Variants in C10orf105 observed in about 807,000 individuals in gnomAD.
The protein encoded by C10orf105 is chromosome 10 open reading frame 105.
In C10orf105, 2 loss-of-function variants were observed where a neutral mutation model predicts 0.6. That is an observed-to-expected ratio of 3.18 (90% confidence interval 1.30 to 10.01). The LOEUF (loss-of-function observed/expected upper bound fraction) is 10.01. Among genes scored for constraint, C10orf105 ranks in the 30% most tolerant of loss-of-function variants. The pLI is 0.04. For missense variants in C10orf105, 209 were observed against 191.4 expected (o/e 1.09, Z -0.54); for synonymous variants, 95 against 82.4 (o/e 1.15, Z -0.83).
chr10:71,716,235 G>A lies in C10orf105; in HGVS notation c.103C>T (p.Pro35Ser). The change falls in exon 2 of 2, where the codon CCC becomes TCC. Residue 35 changes from proline (P) to serine (S), a missense_variant. By Grantham distance (74) the Pro-to-Ser change is moderately conservative. Transcript: ENST00000441508. ...GCCAGGGCGATGAGCATGGGGAGGG[G>A]GTCAGTTGCCTCTGCAAGGGTCCCG... Reference protein sequence around the residue: ...TPGTLAEATDPLPMLIALACI... With the variant: ...TPGTLAEATDSLPMLIALACI... 1 of 1,550,346 alleles carries A rather than the reference G, an allele frequency of 6.5e-7. No individual in the cohort carries two copies.
In C10orf105 at chr10:71,725,443, C is replaced by A; in HGVS notation, c.-5-9101G>T. On this transcript the variant is annotated intron_variant, in intron 1 of 1. Coordinates refer to the C10orf105 transcript ENST00000398786. ...GATGCGAGGGCCCCGGCCCCTGGAC[C>A]GGGAGCGGAACTCATCCCACGTGCT... 1 of 1,614,056 alleles carries A rather than the reference C, an allele frequency of 6.2e-7. No homozygotes were observed. Among genetic ancestry groups the A allele is most frequent in the Non-Finnish European group, 8.5e-7 (1 of 1,179,900 alleles).
At position 71,712,629 on chromosome 10, in the gene C10orf105, C is replaced by T; in HGVS notation, c.*3307G>A. ...ACAGGAAGTGTGCCCCTCTCTCAGG[C>T]AGCTGCTAACACCTGTCTTCCTTCA... On this transcript the variant is annotated 3_prime_UTR_variant, in exon 2 of 2. Coordinates refer to ENST00000441508, the MANE Select transcript of C10orf105 (RefSeq NM_001164375.3). 1.2e-6 allele frequency: 2 copies of T among 1,608,616 alleles called. No individual in the cohort carries two copies. Among genetic ancestry groups the T allele is most frequent in the East Asian group, 4.5e-5 (2 of 44,752 alleles).
Position 71,714,317 on chromosome 10 carries a change from C to T in C10orf105, c.*1619G>A, listed in dbSNP as rs772201465. The T allele has an allele frequency of 1.3e-5, 2 of 152,086 alleles. No homozygotes were observed. The highest frequency in any genetic ancestry group is 2.4e-5 in the African/African-American group (1 of 41,388). 9.4% of individuals were successfully genotyped at this position (152,086 alleles called of 1,614,324 possible). On this transcript the variant is annotated 3_prime_UTR_variant, in exon 2 of 2. Transcript: ENST00000441508. Reference sequence around the variant, plus strand: ...GTGGGGACACACCCAGGCTGGGCCACGCTTCACTCTGTACACAGAAGCCTC... The same window carrying T: ...GTGGGGACACACCCAGGCTGGGCCATGCTTCACTCTGTACACAGAAGCCTC...
At chr10:71,717,796 T>C (rs117569830) in intron 1 of C10orf105, 2 of 152,310 alleles carry the variant, frequency 1.3e-5, no homozygotes, top group Non-Finnish European at 2.9e-5. Flanking sequence ...AAGGCAAACA[T>C]TCTAGACGTT....
chr10:71,718,639 G>T (rs1370160771), intron 1 of C10orf105, among the ~76,000 whole-genome samples: 1 of 152,222 alleles, frequency 6.6e-6, no homozygotes, highest in Admixed American at 6.5e-5. Flanking sequence ...AGTAAGAAAA[G>T]GGCAGTCTGA....
chr10:71,733,999 G>A (rs1467402414), intron 1 of C10orf105, among the ~76,000 whole-genome samples: 5 of 152,240 alleles, frequency 3.3e-5, no homozygotes, highest in African/African-American at 7.2e-5. Flanking sequence ...AACTACAACA[G>A]AGGGGTAGTG....
rs74147045 is a variant in C10orf105, at chr10:71,728,468, G to A, written c.-6+9260C>T. Among the ~76,000 whole-genome samples, 157 of 152,150 alleles carry A rather than the reference G, an allele frequency of 1.0e-3. 1 individual carries two copies. Among genetic ancestry groups the A allele is most frequent in the African/African-American group, 3.7e-3 (153 of 41,486 alleles). ...CTCCACTGGTCAGGCTGCTGTTTTCGGCTTCTACCAGCCAGAAGCTCTGTC... is the reference window on the plus strand; with the variant it reads ...CTCCACTGGTCAGGCTGCTGTTTTCAGCTTCTACCAGCCAGAAGCTCTGTC... On this transcript the variant is annotated intron_variant, in intron 1 of 1. Coordinates refer to the C10orf105 transcript ENST00000398786.
chr10:71,729,639 G>T (rs1470276365), intron 1 of C10orf105, among the ~76,000 whole-genome samples: 1 of 152,152 alleles, frequency 6.6e-6, no homozygotes, highest in Admixed American at 6.5e-5. Context: ...CCGTGAGAAG[G>T]TGCACAAGTA....
upstream of C10orf105, chr10:71,724,208 C>T (rs182261366): frequency 3.6e-4 from 461 of 1,269,130 alleles, 2 homozygotes; most frequent in African/African-American, 5.4e-3. Context: ...AAGAGAACCC[C>T]CAGGGCCATA....
chr10:71,726,379 C>A (rs902924907), intron 1 of C10orf105, among the ~76,000 whole-genome samples: 11 of 152,208 alleles, frequency 7.2e-5, no homozygotes, highest in Admixed American at 1.3e-4. Context: ...AGGCTGGAAA[C>A]AATGAGCGGT....
rs746835999 is a variant in C10orf105, at chr10:71,713,250, A to G, written c.*2686T>C. On this transcript the variant is annotated 3_prime_UTR_variant, in exon 2 of 2. Transcript: ENST00000441508. ...GGGAAGTAAACAGGCACAAGAAGAA[A>G]GGGCTCCTTTGCCCAGGGAGCAGGC... 2 of 779,292 alleles carry G rather than the reference A, an allele frequency of 2.6e-6. No individual in the cohort carries two copies. Among genetic ancestry groups the G allele is most frequent in the African/African-American group, 3.4e-5 (2 of 59,146 alleles). The allele number at this position is 779,292 out of a possible 1,614,324, so 48.3% of individuals were successfully genotyped here.
upstream of C10orf105, among the ~76,000 whole-genome samples, chr10:71,720,736 T>C (rs779794895): frequency 2.0e-5 from 3 of 152,178 alleles, no homozygotes; most frequent in Non-Finnish European, 4.4e-5. Flanking sequence ...CTATGGACTG[T>C]TAAAGCTGGA....
intron 1 of C10orf105, chr10:71,732,034 A>T: frequency 6.2e-7 from 1 of 1,613,880 alleles, no homozygotes. Flanking sequence ...CGCAGAGGGG[A>T]AGTTTGAGAT....
chr10:71,718,769 T>C (rs1401711375), intron 1 of C10orf105, among the ~76,000 whole-genome samples: 5 of 152,148 alleles, frequency 3.3e-5, no homozygotes, highest in Non-Finnish European at 5.9e-5. Context: ...CCTGCTTTAA[T>C]TTAAAAAATA....
At position 71,714,740 on chromosome 10, in the gene C10orf105, C is replaced by G. The variant is rs1866133978; in HGVS notation, c.*1196G>C. The G allele has an allele frequency of 6.6e-6, 1 of 152,258 alleles. No homozygotes were observed. The highest frequency in any genetic ancestry group is 2.1e-4 in the South Asian group (1 of 4,828). 9.4% of individuals were successfully genotyped at this position (152,258 alleles called of 1,614,324 possible). A position where few individuals can be genotyped will look rare whatever the true frequency, so the allele number is the denominator to read the frequency against. On this transcript the variant is annotated 3_prime_UTR_variant, in exon 2 of 2. Transcript: ENST00000441508. Reference sequence around the variant, plus strand: ...GGAGCTGGGGAGTGGCAAGCCAGAGCTCACTCCTTGGGGAGACGTGGCTGG... The same window carrying G: ...GGAGCTGGGGAGTGGCAAGCCAGAGGTCACTCCTTGGGGAGACGTGGCTGG...
chr10:71,723,446 C>T (rs780200720), upstream of C10orf105, among the ~76,000 whole-genome samples: 7 of 152,176 alleles, frequency 4.6e-5, no homozygotes, highest in Non-Finnish European at 8.8e-5. Context: ...AACACATAAA[C>T]ACATAAGCCT....
intron 1 of C10orf105, chr10:71,725,510 G>A (rs768691349): frequency 6.2e-7 from 1 of 1,613,220 alleles, no homozygotes; most frequent in South Asian, 1.1e-5. Context: ...CCCATGCGGA[G>A]CTCCGTCAGG....
At chr10:71,734,223 T>C (rs1189201239) in intron 1 of C10orf105, 2 of 1,595,094 alleles carry the variant, frequency 1.3e-6, no homozygotes, top group Admixed American at 3.5e-5. Context: ...CTCACCCATC[T>C]GGCCCCTTCC....
At chr10:71,734,195 A>G (rs764841408) in intron 1 of C10orf105, 85 of 1,505,818 alleles carry the variant, frequency 5.6e-5, no homozygotes, top group Non-Finnish European at 7.6e-5. Flanking sequence ...CAGGGTTAAC[A>G]AGGGTGCGAT....
Sources: allele counts gnomAD v4.1 joint callset (sites outside exome capture counted in the v4.1 genomes callset), GRCh38; gene constraint gnomAD v4.1.1; transcripts MANE v1.5; gene names NCBI Gene and HGNC (gene_info 2026-07-23, HGNC 2026-07-21).